MIA2: variants seen among roughly 807,000 people sequenced by gnomAD.
The protein encoded by MIA2 is melanoma inhibitory activity protein 2.
Under a neutral mutation model 167.8 loss-of-function variants are expected in MIA2, and 127 were observed. That is an observed-to-expected ratio of 0.76 (90% CI 0.66 to 0.88). The LOEUF (loss-of-function observed/expected upper bound fraction) is 0.88, where lower values mean the gene tolerates loss of function less well. Among genes scored for constraint, MIA2 ranks in the 40% least tolerant of loss-of-function variants. The pLI is 0.00. For missense variants in MIA2, 1,690 were observed against 1,624.7 expected (o/e 1.04, Z -0.69); for synonymous variants, 552 against 541.9 (o/e 1.02, Z -0.26).
In MIA2 at chr14:39,298,411, TTTTA is replaced by T. The variant is rs1407993214; in HGVS notation, c.2497-1451_2497-1448del. On this transcript the variant is annotated intron_variant, in intron 13 of 28. Coordinates refer to ENST00000640607, the MANE Select transcript of MIA2 (RefSeq NM_001329214.4). ...TTTTTACCTGTATCATCTGATTCTG[TTTTA>T]TATATATATATATATATATATATAT... Among the ~76,000 whole-genome samples the T allele has an allele frequency of 5.1e-4, 14 of 27,222 alleles. 1 individual carries two copies. The East Asian group carries it at 0.01, about 20-fold the overall frequency. 17.9% of individuals were successfully genotyped at this position (27,222 alleles called of 152,430 possible).
intron 1 of MIA2, among the ~76,000 whole-genome samples, chr14:39,236,075 G>C (rs1594593368): frequency 6.6e-6 from 1 of 152,110 alleles, no homozygotes; most frequent in South Asian, 2.1e-4. Context: ...GGTTGGGCGG[G>C]GGGCAGGTGC....
At chr14:39,353,084 G>A (rs900776415), downstream of MIA2, among the ~76,000 whole-genome samples, 12 of 151,754 alleles carry the variant, frequency 7.9e-5, no homozygotes, top group Admixed American at 2.0e-4. Context: ...AATATTTTAC[G>A]TATTAGTGAG....
intron 17 of MIA2, among the ~76,000 whole-genome samples, chr14:39,307,905 A>G (rs6571916): frequency 0.86 from 131,276 of 151,914 alleles, 57,297 homozygotes; most frequent in East Asian, 0.95. Context: ...CATACAAGTA[A>G]AGAGTGGAAT....
intron 23 of MIA2, among the ~76,000 whole-genome samples, chr14:39,381,026 A>AC (rs935677549): frequency 4.2e-4 from 63 of 148,320 alleles, no homozygotes; most frequent in African/African-American, 1.5e-3. Context: ...AAAAAACAAA[A>AC]AAAAAAAAAA....
intron 24 of MIA2, among the ~76,000 whole-genome samples, chr14:39,326,042 A>G (rs1595649096): frequency 1.3e-5 from 2 of 152,154 alleles, no homozygotes; most frequent in African/African-American, 2.4e-5. Context: ...TTAAGGTACT[A>G]TCTTTTCTGT....
intron 3 of MIA2, among the ~76,000 whole-genome samples, chr14:39,241,723 A>G (rs1427076657): frequency 3.3e-5 from 5 of 152,242 alleles, no homozygotes; most frequent in Non-Finnish European, 5.9e-5. Context: ...TTGTAAAAAC[A>G]AAAAATCTGA....
intron 6 of MIA2, chr14:39,267,166 G>C (rs12897075): frequency 3.4e-6 from 4 of 1,171,134 alleles, no homozygotes; most frequent in Non-Finnish European, 4.2e-6. Context: ...AAACCAAACC[G>C]AGGGGTGGGG....
chr14:39,265,394 A>T lies in MIA2; in HGVS notation c.1888-11540A>T, dbSNP rs192535011. ...AAATTTTAACATGAGCTTTTCAAGA[A>T]ATGGAATTGAAAAGTCCAGAGGAAG... On this transcript the variant is annotated intron_variant, in intron 6 of 28. Coordinates refer to ENST00000640607, the MANE Select transcript of MIA2 (RefSeq NM_001329214.4). 7.0e-4 allele frequency: 1,126 copies of T among 1,609,252 alleles called. 16 individuals carry two copies. The highest frequency in any genetic ancestry group is 7.2e-5 in the Non-Finnish European group (85 of 1,176,396).
chr14:39,353,810 C>T (rs138039668), downstream of MIA2, among the ~76,000 whole-genome samples: 5,900 of 152,112 alleles, frequency 0.039, 384 homozygotes, highest in African/African-American at 0.13. Context: ...TGAGAATATG[C>T]GGTGTTTGGT....
At chr14:39,332,006 G>C (rs771269227) in intron 25 of MIA2, among the ~76,000 whole-genome samples, 7 of 152,144 alleles carry the variant, frequency 4.6e-5, no homozygotes, top group Non-Finnish European at 8.8e-5. Context: ...GGTTGGGGAA[G>C]TTCTCCTGGC....
At chr14:39,293,523 A>G in intron 11 of MIA2, 142 bp downstream of exon 11, 2 of 571,496 alleles carry the variant, frequency 3.5e-6, no homozygotes, top group Non-Finnish European at 6.0e-6. Context: ...AATTTTCTAG[A>G]TCCATTCTTT....
chr14:39,236,205 A>G (rs1265227260), intron 1 of MIA2, among the ~76,000 whole-genome samples: 5 of 152,200 alleles, frequency 3.3e-5, no homozygotes, highest in African/African-American at 1.2e-4. Flanking sequence ...GATGCAGCCT[A>G]GTAAGGATAA....
chr14:39,267,082 C>T (rs2055865813), intron 6 of MIA2: 1 of 1,100,444 alleles, frequency 9.1e-7, no homozygotes, highest in Non-Finnish European at 1.1e-6. Flanking sequence ...CCGGACACGT[C>T]TGCGAAGCTT....
rs547878879 is a variant in MIA2, at chr14:39,319,355, A to C, written c.3367+64A>C. 1.0e-5 allele frequency: 8 copies of C among 768,346 alleles called. No homozygotes were observed. In the South Asian group the frequency reaches 2.9e-4, roughly 28 times the overall value. 47.6% of individuals were successfully genotyped at this position (768,346 alleles called of 1,614,324 possible). On this transcript the variant is annotated intron_variant, in intron 23 of 28. Transcript: ENST00000640607. ...TTTTACATATATATATATATTGCAC[A>C]TATAGTTTCTATTAGTGTAAGTTAA...
intron 9 of MIA2, among the ~76,000 whole-genome samples, chr14:39,282,265 A>G (rs1376668606): frequency 6.6e-6 from 1 of 152,174 alleles, no homozygotes; most frequent in Non-Finnish European, 1.5e-5. Flanking sequence ...ACTTTCTTTT[A>G]TGTAAAATAA....
intron 23 of MIA2, among the ~76,000 whole-genome samples, chr14:39,379,021 G>A (rs994135005): frequency 3.9e-5 from 6 of 152,040 alleles, no homozygotes; most frequent in African/African-American, 7.2e-5. Context: ...CAAACAATAC[G>A]CCAAAATAAA....
chr14:39,331,565 G>A (rs1452352237), intron 25 of MIA2, among the ~76,000 whole-genome samples: 5 of 152,074 alleles, frequency 3.3e-5, no homozygotes, highest in South Asian at 2.1e-4. Context: ...GGTCTTTTAC[G>A]TTTTGTTGTG....
At chr14:39,352,824 G>A (rs2074425194), downstream of MIA2, among the ~76,000 whole-genome samples, 3 of 152,120 alleles carry the variant, frequency 2.0e-5, no homozygotes, top group Non-Finnish European at 1.5e-5. Flanking sequence ...GAATCACTAA[G>A]TTGAGCTAGT....
intron 3 of MIA2, among the ~76,000 whole-genome samples, chr14:39,241,146 T>C (rs1200291834): frequency 6.6e-6 from 1 of 152,238 alleles, no homozygotes; most frequent in East Asian, 1.9e-4. Flanking sequence ...ACCACGCTCC[T>C]TAGTCTCATA....
Sources: allele counts gnomAD v4.1 joint callset (sites outside exome capture counted in the v4.1 genomes callset), GRCh38; gene constraint gnomAD v4.1.1; transcripts MANE v1.5; gene names NCBI Gene and HGNC (gene_info 2026-07-23, HGNC 2026-07-21).